The following TMPRSS11F variants were observed in gnomAD, a reference collection of about 807,000 sequenced individuals.
TMPRSS11F encodes the protein transmembrane serine protease 11F.
TMPRSS11F carries 47 observed loss-of-function variants against 60.2 expected under a neutral mutation model. The ratio of observed to expected loss-of-function variants is 0.78; its 90% CI spans 0.62 to 1.00. The LOEUF (loss-of-function observed/expected upper bound fraction) is 1.00. Ranked by LOEUF, TMPRSS11F falls within the 50% of genes least tolerant of loss-of-function variation. TMPRSS11F has a pLI of 0.00. For synonymous variants in TMPRSS11F, 166 were observed against 167.3 expected, an observed-to-expected ratio of 0.99 and a Z score of 0.06; for missense variants, 519 against 522.9, an observed-to-expected ratio of 0.99 and a Z score of 0.07.
chr4:68,116,810 G>A (rs904359504), intron 1 of TMPRSS11F, among the ~76,000 whole-genome samples: 1 of 152,030 alleles, frequency 6.6e-6, no homozygotes, highest in Non-Finnish European at 1.5e-5. Flanking sequence ...ATAAAATTGG[G>A]CCCTATTTCA....
At position 68,082,164 on chromosome 4, in the gene TMPRSS11F, G is replaced by A. The variant is rs143111245; in HGVS notation, c.283-8155C>T. 1.4e-4 allele frequency among the ~76,000 whole-genome samples: 21 copies of A among 152,272 alleles called. No homozygotes were observed. The East Asian group carries it at 3.9e-3, about 28-fold the overall frequency. ...TGCTGGATGTTAGGACTAGCTCCCGGCCCTGAATAGCAACTAGGGAAGGGG... is the reference window on the plus strand; with the variant it reads ...TGCTGGATGTTAGGACTAGCTCCCGACCCTGAATAGCAACTAGGGAAGGGG... On this transcript the variant is annotated intron_variant, in intron 3 of 9. Transcript: ENST00000356291.
intron 7 of TMPRSS11F, among the ~76,000 whole-genome samples, chr4:68,067,588 T>C (rs1723357715): frequency 6.6e-6 from 1 of 152,218 alleles, no homozygotes; most frequent in African/African-American, 2.4e-5. Flanking sequence ...TATGAAAAAA[T>C]TAGAAAATCT....
chr4:68,098,807 T>C, intron 2 of TMPRSS11F, 80 bp downstream of exon 2: 1 of 1,314,190 alleles, frequency 7.6e-7, no homozygotes, highest in Non-Finnish European at 1.0e-6. Context: ...CATGCAAATG[T>C]CACTTTTTAT....
intron 1 of TMPRSS11F, among the ~76,000 whole-genome samples, chr4:68,118,687 G>A (rs1724571402): frequency 6.6e-6 from 1 of 152,092 alleles, no homozygotes; most frequent in South Asian, 2.1e-4. Flanking sequence ...GGAGTTTATA[G>A]GCTAGGGGGA....
chr4:68,074,770 G>A (rs1377911846), intron 3 of TMPRSS11F, among the ~76,000 whole-genome samples: 1 of 152,176 alleles, frequency 6.6e-6, no homozygotes, highest in African/African-American at 2.4e-5. Context: ...TCTGATTCCA[G>A]CTGGCTATTG....
chr4:68,099,610 T>C (rs969041025), intron 1 of TMPRSS11F, among the ~76,000 whole-genome samples: 1 of 152,208 alleles, frequency 6.6e-6, no homozygotes, highest in Non-Finnish European at 1.5e-5. Context: ...ACTTGAAAGT[T>C]GCTATTTATT....
At chr4:68,110,336 A>T (rs1484102782) in intron 1 of TMPRSS11F, among the ~76,000 whole-genome samples, 1 of 152,194 alleles carries the variant, frequency 6.6e-6, no homozygotes, top group Non-Finnish European at 1.5e-5. Flanking sequence ...GGAAACTGTG[A>T]ACCTCAGCAA....
Position 68,069,940 on chromosome 4 carries a change from A to C in TMPRSS11F, c.553+29T>G, listed in dbSNP as rs753953108. 3.8e-6 allele frequency: 6 copies of C among 1,565,812 alleles called. No individual in the cohort carries two copies. The East Asian group carries it at 1.2e-4, about 30-fold the overall frequency. On this transcript the variant is annotated intron_variant, in intron 6 of 9. Transcript: ENST00000356291. ...TTTCATGATCTTTTACTGTGAAATA[A>C]ACAGTTAATTGTGGGTTTTGGAACT...
chr4:68,089,612 T>G (rs574914029), intron 3 of TMPRSS11F, among the ~76,000 whole-genome samples: 48 of 152,118 alleles, frequency 3.2e-4, no homozygotes, highest in Non-Finnish European at 5.1e-4. Flanking sequence ...AAACGCTATT[T>G]GAATAGCCAT....
intron 8 of TMPRSS11F, among the ~76,000 whole-genome samples, chr4:68,063,633 C>T (rs1723253935): frequency 6.6e-6 from 1 of 152,118 alleles, no homozygotes; most frequent in Non-Finnish European, 1.5e-5. Context: ...CCCGACTCGG[C>T]CTCTCAAAGT....
Position 68,053,890 on chromosome 4 carries a change from A to G in TMPRSS11F, c.*19T>C. 2 of 1,603,734 alleles carry G rather than the reference A, an allele frequency of 1.2e-6. No homozygotes were observed. Among genetic ancestry groups the G allele is most frequent in the Non-Finnish European group, 1.7e-6 (2 of 1,171,964 alleles). On this transcript the variant is annotated 3_prime_UTR_variant, in exon 10 of 10. Coordinates refer to ENST00000356291, the MANE Select transcript of TMPRSS11F (RefSeq NM_207407.2). The stretch of plus-strand genomic sequence containing the variant: ...TATCAGCTCTGTGTGCCATGTGTAT[A>G]ACTCATGGGCAATCCACACTACATA...
intron 2 of TMPRSS11F, among the ~76,000 whole-genome samples, chr4:68,097,259 T>C (rs1469723283): frequency 6.6e-6 from 1 of 152,240 alleles, no homozygotes. Flanking sequence ...CTGGAGGTCA[T>C]ATATATCATA....
At chr4:68,120,478 T>G (rs1341858333) in intron 1 of TMPRSS11F, among the ~76,000 whole-genome samples, 1 of 144,942 alleles carries the variant, frequency 6.9e-6, no homozygotes, top group African/African-American at 2.6e-5. Flanking sequence ...AAGCTCCGCC[T>G]CCCGGGTTCA....
intron 1 of TMPRSS11F, among the ~76,000 whole-genome samples, chr4:68,106,320 T>G (rs1281725546): frequency 6.6e-6 from 1 of 152,172 alleles, no homozygotes; most frequent in Non-Finnish European, 1.5e-5. Context: ...TCAGAAACAC[T>G]GGCAACGGGA....
At chr4:68,085,290 G>C (rs553834562) in intron 3 of TMPRSS11F, among the ~76,000 whole-genome samples, 62 of 151,364 alleles carry the variant, frequency 4.1e-4, no homozygotes, top group African/African-American at 1.3e-3. Flanking sequence ...TCTAGTTCTA[G>C]ATCCCTGAGG....
In TMPRSS11F at chr4:68,064,719, C is replaced by T. The variant is rs148793283; in HGVS notation, c.981G>A (p.Val327=). The T allele has an allele frequency of 2.5e-4, 408 of 1,614,138 alleles. 4 individuals carry two copies. The African/African-American group carries it at 4.9e-3, about 19-fold the overall frequency. Residue 327 remains valine, a synonymous_variant, in exon 8 of 10, where the codon GTG becomes GTA. Coordinates refer to ENST00000356291, the MANE Select transcript of TMPRSS11F (RefSeq NM_207407.2). ...SSIKLPPKTS[V]FVTGFGSIVD... is the part of the protein sequence containing the mutation. ...CAATGGATCCAAATCCTGTGACGAA[C>T]ACACTTGTTTTAGGTGGCAACTTTA...
At chr4:68,063,774 C>A (rs1723258031) in intron 8 of TMPRSS11F, among the ~76,000 whole-genome samples, 1 of 152,044 alleles carries the variant, frequency 6.6e-6, no homozygotes, top group Admixed American at 6.6e-5. Context: ...TCTTTTAACA[C>A]CCCTAGCAGG....
chr4:68,068,528 A>C lies in TMPRSS11F; in HGVS notation c.755+90T>G, dbSNP rs1723378294. ...TCTACCCTGAATGGAGCAAAGGTTA[A>C]ACTGGAGAGACTGGACTCTTCTGAT... is the stretch of plus-strand genomic sequence containing the variant. On this transcript the variant is annotated intron_variant, in intron 7 of 9. Transcript: ENST00000356291. 11 of 1,118,362 alleles carry C rather than the reference A, an allele frequency of 9.8e-6. No homozygotes were observed. In the Admixed American group the frequency reaches 1.8e-4, roughly 18 times the overall value. The allele number at this position is 1,118,362 out of a possible 1,614,324, so 69.3% of individuals were successfully genotyped here.
intron 1 of TMPRSS11F, among the ~76,000 whole-genome samples, chr4:68,108,079 G>C (rs190148789): frequency 6.6e-6 from 1 of 152,324 alleles, no homozygotes; most frequent in African/African-American, 2.4e-5. Context: ...CTGATTAGGG[G>C]ACCCTTGCAA....
Sources: allele counts gnomAD v4.1 joint callset (sites outside exome capture counted in the v4.1 genomes callset), GRCh38; gene constraint gnomAD v4.1.1; transcripts MANE v1.5; gene names NCBI Gene and HGNC (gene_info 2026-07-23, HGNC 2026-07-21).